Variants in CIMAP2 observed in about 807,000 individuals in gnomAD.
CIMAP2 encodes the protein ciliary microtubule associated protein 2.
the CIMAP2 span, among the ~76,000 whole-genome samples, chr1:54,817,917 G>T: frequency 6.6e-6 from 1 of 152,178 alleles, no homozygotes; most frequent in Non-Finnish European, 1.5e-5. Context: ...AGGAAGGAAA[G>T]ATTTTTGATA....
chr1:54,807,881 T>G, the CIMAP2 span: 1 of 1,568,556 alleles, frequency 6.4e-7, no homozygotes, highest in Non-Finnish European at 8.6e-7. Context: ...TCTCTTCTCT[T>G]GGCACAGGAG....
At chr1:54,808,618 A>AGGGGGGG in the CIMAP2 span, among the ~76,000 whole-genome samples, 2 of 82,194 alleles carry the variant, frequency 2.4e-5, no homozygotes, top group East Asian at 7.8e-4. Context: ...CTGCCGGGGG[A>AGGGGGGG]GGGCAGTGGA....
At chr1:54,834,530 C>T in the CIMAP2 span, among the ~76,000 whole-genome samples, 2 of 152,066 alleles carry the variant, frequency 1.3e-5, no homozygotes, top group African/African-American at 4.8e-5. Flanking sequence ...CCTATATACC[C>T]ACTACTCAGA....
the CIMAP2 span, chr1:54,813,983 C>T: frequency 6.3e-7 from 1 of 1,587,544 alleles, no homozygotes; most frequent in Non-Finnish European, 8.6e-7. Flanking sequence ...CTGGTGAGTT[C>T]ACTCCTATGG....
chr1:54,820,219 A>G, the CIMAP2 span, among the ~76,000 whole-genome samples: 3 of 144,684 alleles, frequency 2.1e-5, no homozygotes, highest in African/African-American at 7.7e-5. Flanking sequence ...CCTGTTTTAC[A>G]TGCAGTGGTA....
chr1:54,828,544 C>G, the CIMAP2 span, among the ~76,000 whole-genome samples: 2 of 152,150 alleles, frequency 1.3e-5, no homozygotes, highest in African/African-American at 4.8e-5. Flanking sequence ...GTTGCCCAGG[C>G]TGGTCTCAAA....
chr1:54,826,273 A>G, the CIMAP2 span, among the ~76,000 whole-genome samples: 1 of 152,168 alleles, frequency 6.6e-6, no homozygotes, highest in Non-Finnish European at 1.5e-5. Flanking sequence ...TCTGGGGAGC[A>G]CAAACTTCAG....
chr1:54,806,996 G>A, the CIMAP2 span: 1 of 1,613,420 alleles, frequency 6.2e-7, no homozygotes, highest in South Asian at 1.1e-5. Context: ...CCCTCCCTAG[G>A]TTTGACATCT....
the CIMAP2 span, among the ~76,000 whole-genome samples, chr1:54,812,344 G>A: frequency 6.6e-6 from 1 of 152,232 alleles, no homozygotes; most frequent in South Asian, 2.1e-4. Context: ...GCTGGATCCG[G>A]TTTCCCATGT....
chr1:54,824,191 A>AT, the CIMAP2 span, among the ~76,000 whole-genome samples: 1 of 151,560 alleles, frequency 6.6e-6, no homozygotes, highest in Non-Finnish European at 1.5e-5. Flanking sequence ...CTAGATATAT[A>AT]TTTTTTTACT....
the CIMAP2 span, among the ~76,000 whole-genome samples, chr1:54,828,520 C>T: frequency 3.9e-5 from 6 of 151,998 alleles, no homozygotes; most frequent in South Asian, 4.1e-4. Context: ...TGGAGAGAGA[C>T]GGGGTGCCAC....
the CIMAP2 span, chr1:54,816,859 T>C: frequency 7.0e-6 from 9 of 1,281,392 alleles, no homozygotes; most frequent in Non-Finnish European, 6.4e-6. Flanking sequence ...GACCTCAACA[T>C]ATCTTTTTGG....
At chr1:54,830,627 T>C in the CIMAP2 span, among the ~76,000 whole-genome samples, 1 of 152,200 alleles carries the variant, frequency 6.6e-6, no homozygotes, top group African/African-American at 2.4e-5. This position sits in a 1 kb window ranked among gnomAD's most constrained non-coding sequence, Gnocchi z 4.1. Flanking sequence ...TCTGCCAGGC[T>C]AAATGAAGGG....
At chr1:54,814,657 T>C in the CIMAP2 span, among the ~76,000 whole-genome samples, 7 of 152,258 alleles carry the variant, frequency 4.6e-5, no homozygotes, top group Non-Finnish European at 8.8e-5. Context: ...TTCAGCTGTC[T>C]GGGCCCCACC....
At chr1:54,840,932 A>C in the CIMAP2 span, among the ~76,000 whole-genome samples, 2 of 152,226 alleles carry the variant, frequency 1.3e-5, no homozygotes, top group Non-Finnish European at 2.9e-5. Flanking sequence ...CTTGTGTTTA[A>C]TAAACATACT....
chr1:54,838,882 C>G, the CIMAP2 span, among the ~76,000 whole-genome samples: 1 of 152,086 alleles, frequency 6.6e-6, no homozygotes, highest in Non-Finnish European at 1.5e-5. Flanking sequence ...CTACCACATT[C>G]TGTTGGCCAA....
At chr1:54,839,378 ATT>A in the CIMAP2 span, among the ~76,000 whole-genome samples, 2 of 72,836 alleles carry the variant, frequency 2.7e-5, no homozygotes, top group Admixed American at 3.4e-4. Context: ...GAATTTATTT[ATT>A]TATTTATTTT....
chr1:54,836,288 CCTGCCTGCCTGCCTGCCTGCCTG>C, the CIMAP2 span, among the ~76,000 whole-genome samples: 5 of 112 alleles, frequency 0.045, no homozygotes, highest in Non-Finnish European at 0.093. Context: ...TGCCCGCCTG[CCTGCCTGCCTGCCTGCCTGCCTG>C]CCTGCCTGCC....
chr1:54,814,399 G>A, the CIMAP2 span, among the ~76,000 whole-genome samples: 7 of 152,184 alleles, frequency 4.6e-5, no homozygotes, highest in East Asian at 1.9e-4. Flanking sequence ...TGGTGCACTC[G>A]GCCCTAGTGT....
Sources: allele counts gnomAD v4.1 joint callset (sites outside exome capture counted in the v4.1 genomes callset), GRCh38; gene constraint gnomAD v4.1.1; non-coding constraint Gnocchi (gnomAD v3.1); transcripts MANE v1.5; gene names NCBI Gene and HGNC (gene_info 2026-07-23, HGNC 2026-07-21).